SWAP70: variants seen among roughly 807,000 people sequenced by gnomAD.
SWAP70 encodes switch-associated protein 70.
SWAP70 carries 34 observed loss-of-function variants against 80.2 expected under a neutral mutation model. The ratio of observed to expected loss-of-function variants is 0.42; its 90% CI spans 0.32 to 0.56. The LOEUF is 0.56. Ranked by LOEUF, SWAP70 falls within the 20% of genes least tolerant of loss-of-function variation. SWAP70 has a pLI of 0.09. For synonymous variants in SWAP70, 239 were observed against 238.5 expected (o/e 1.00, Z -0.02); for missense variants, 578 against 690.7 (o/e 0.84, Z 1.83).
intron 1 of SWAP70, among the ~76,000 whole-genome samples, chr11:9,683,342 G>A (rs1850591309): frequency 6.6e-6 from 1 of 152,100 alleles, no homozygotes; most frequent in Non-Finnish European, 1.5e-5. Flanking sequence ...CTTGAGCCCA[G>A]GAGGTCGAGC....
Position 9,671,786 on chromosome 11 carries a change from T to TAAA in SWAP70, c.99+7508_99+7509insAAA, listed in dbSNP as rs202131469. 7.8e-5 allele frequency among the ~76,000 whole-genome samples: 6 copies of TAAA among 76,684 alleles called. No homozygotes were observed. The Admixed American group carries it at 9.2e-4, about 12-fold the overall frequency. 50.3% of individuals were successfully genotyped at this position (76,684 alleles called of 152,430 possible). A position where few individuals can be genotyped will look rare whatever the true frequency, so the allele number is the denominator to read the frequency against. The stretch of plus-strand genomic sequence containing the variant: ...TATATAATATAAATATAATATATTA[T>TAAA]TATTTATAAATATATATAAATATAA... On this transcript the variant is annotated intron_variant, in intron 1 of 11. Transcript: ENST00000318950.
At chr11:9,713,781 T>C in intron 3 of SWAP70, 142 bp downstream of exon 3, 2 of 971,202 alleles carry the variant, frequency 2.1e-6, no homozygotes, top group Non-Finnish European at 3.1e-6. Flanking sequence ...GCAGCCTGAG[T>C]ATAGAAAAGC....
At chr11:9,698,708 A>G (rs537437561) in intron 2 of SWAP70, among the ~76,000 whole-genome samples, 7 of 152,222 alleles carry the variant, frequency 4.6e-5, no homozygotes, top group Admixed American at 1.3e-4. Context: ...CCCAACCTCA[A>G]TGCATGTTTT....
intron 3 of SWAP70, among the ~76,000 whole-genome samples, chr11:9,715,622 A>G (rs1851056333): frequency 6.6e-6 from 1 of 152,236 alleles, no homozygotes; most frequent in Non-Finnish European, 1.5e-5. Context: ...AGGTGAAAGC[A>G]TGTCTCACAT....
chr11:9,698,100 GT>G (rs1255294896), intron 2 of SWAP70, among the ~76,000 whole-genome samples: 136 of 116,300 alleles, frequency 1.2e-3, no homozygotes, highest in Middle Eastern at 4.5e-3. Context: ...CATGTTTTTT[GT>G]TTTTTTTTTT....
intron 9 of SWAP70, among the ~76,000 whole-genome samples, chr11:9,747,055 G>T (rs1851521471): frequency 6.6e-6 from 1 of 152,114 alleles, no homozygotes; most frequent in African/African-American, 2.4e-5. Flanking sequence ...GGCTGGCATC[G>T]AACGACACTA....
At chr11:9,712,451 T>C (rs1851010135) in intron 2 of SWAP70, among the ~76,000 whole-genome samples, 1 of 152,180 alleles carries the variant, frequency 6.6e-6, no homozygotes, top group Admixed American at 6.5e-5. Context: ...CCCAGCACTG[T>C]GGGAGGCTGA....
chr11:9,748,569 A>G (rs986569532), intron 10 of SWAP70, among the ~76,000 whole-genome samples: 1 of 152,128 alleles, frequency 6.6e-6, no homozygotes, highest in Non-Finnish European at 1.5e-5. Flanking sequence ...TGCTACAGAA[A>G]CTCACTGGTG....
chr11:9,747,879 C>T lies in SWAP70; in HGVS notation c.1377C>T (p.Ser459=). The change falls in exon 10 of 12, where the codon TCC becomes TCT. Residue 459 remains serine (S), a synonymous_variant. Coordinates refer to ENST00000318950, the MANE Select transcript of SWAP70 (RefSeq NM_015055.4). ...GTAGGTTGTTGGAGGAAGAGTCTTCCAAGAGGGCTGAACTAGAAAAGTGGC... is the reference window on the plus strand; with the variant it reads ...GTAGGTTGTTGGAGGAAGAGTCTTCTAAGAGGGCTGAACTAGAAAAGTGGC... ...LQARLLEEES[S]KRAELEKWHL... is the part of the protein sequence containing the mutation. 1 of 1,614,124 alleles carries T rather than the reference C, an allele frequency of 6.2e-7. No individual in the cohort carries two copies. Among genetic ancestry groups the T allele is most frequent in the South Asian group, 1.1e-5 (1 of 91,080 alleles).
At chr11:9,709,925 T>C (rs1850973508) in intron 2 of SWAP70, among the ~76,000 whole-genome samples, 1 of 152,084 alleles carries the variant, frequency 6.6e-6, no homozygotes, top group Non-Finnish European at 1.5e-5. Context: ...ATTCTTATGA[T>C]AAAGTAATCT....
At chr11:9,694,367 GT>G (rs1032625851) in intron 2 of SWAP70, 81 bp downstream of exon 2, 13 of 1,415,248 alleles carry the variant, frequency 9.2e-6, no homozygotes, top group Non-Finnish European at 1.2e-5. Flanking sequence ...CTGTTGGTGA[GT>G]TCACTAAGGA....
chr11:9,707,723 T>G (rs1234733011), intron 2 of SWAP70, among the ~76,000 whole-genome samples: 1 of 151,884 alleles, frequency 6.6e-6, no homozygotes, highest in African/African-American at 2.4e-5. Context: ...GCCTGGCTAA[T>G]TTTTGTATTT....
intron 2 of SWAP70, among the ~76,000 whole-genome samples, chr11:9,712,193 A>C (rs773978799): frequency 6.6e-6 from 1 of 152,120 alleles, no homozygotes; most frequent in Non-Finnish European, 1.5e-5. Context: ...TTGTCTTTAC[A>C]TTCCTTGGGA....
intron 1 of SWAP70, among the ~76,000 whole-genome samples, chr11:9,672,763 G>A (rs1176110844): frequency 6.6e-6 from 1 of 151,678 alleles, no homozygotes; most frequent in African/African-American, 2.4e-5. Flanking sequence ...TTGGCCTTGA[G>A]GGCCCCCAGT....
chr11:9,710,302 G>A (rs1157968114), intron 2 of SWAP70, among the ~76,000 whole-genome samples: 1 of 152,168 alleles, frequency 6.6e-6, no homozygotes, highest in African/African-American at 2.4e-5. Context: ...CAAGGTGATA[G>A]TGATAAGGCA....
At chr11:9,710,425 C>G (rs1206929413) in intron 2 of SWAP70, among the ~76,000 whole-genome samples, 1 of 152,056 alleles carries the variant, frequency 6.6e-6, no homozygotes, top group East Asian at 1.9e-4. Context: ...AGGCAAGGTA[C>G]TAAAGGCAGA....
chr11:9,693,194 A>G (rs559986518), intron 1 of SWAP70, among the ~76,000 whole-genome samples: 18 of 152,344 alleles, frequency 1.2e-4, no homozygotes, highest in African/African-American at 4.1e-4. Flanking sequence ...AACTAGGAAG[A>G]TTCTCTGTTG....
intron 9 of SWAP70, chr11:9,741,012 C>T (rs1318922443): frequency 6.5e-6 from 1 of 154,352 alleles, no homozygotes; most frequent in Non-Finnish European, 1.4e-5. Flanking sequence ...TACTTTGCTG[C>T]CCCATTTACA....
At chr11:9,739,475 C>T (rs1851407594) in intron 8 of SWAP70, among the ~76,000 whole-genome samples, 1 of 152,216 alleles carries the variant, frequency 6.6e-6, no homozygotes, top group Admixed American at 6.5e-5. Context: ...CATGCTCTCT[C>T]ATGACTCTTC....
Sources: gnomAD v4.1 joint callset for allele counts (sites outside exome capture counted in the v4.1 genomes callset) on GRCh38, gnomAD v4.1.1 for gene constraint, MANE v1.5 for transcripts, NCBI Gene and HGNC (gene_info 2026-07-23, HGNC 2026-07-21) for gene names.